The following PCDH11X variants were observed in gnomAD, a reference collection of about 807,000 sequenced individuals.
The protein encoded by PCDH11X is protocadherin-11 X-linked.
Under a neutral mutation model 53.3 loss-of-function variants are expected in PCDH11X, and 18 were observed. The observed-to-expected ratio is 0.34, with a 90% CI of 0.23 to 0.50. The LOEUF is 0.50. PCDH11X is among the 20% of genes least tolerant of loss of function. The pLI, the probability that PCDH11X is intolerant of heterozygous loss-of-function variation, is 0.98. For synonymous variants in PCDH11X, 279 were observed against 393.3 expected, an observed-to-expected ratio of 0.71 and a Z score of 3.44; for missense variants, 570 against 1,032.4, an observed-to-expected ratio of 0.55 and a Z score of 6.14.
intron 6 of PCDH11X, among the ~76,000 whole-genome samples, chrX:91,928,234 A>G (rs1053373606): frequency 3.7e-5 from 4 of 109,057 alleles, no homozygotes; most frequent in African/African-American, 1.3e-4. Flanking sequence ...GGTTTTGTAA[A>G]ATGAACAACC....
At chrX:91,782,177 C>T (rs896717836) in intron 1 of PCDH11X, among the ~76,000 whole-genome samples, 130 of 112,316 alleles carry the variant, frequency 1.2e-3, no homozygotes, top group African/African-American at 3.9e-3. Flanking sequence ...GGCTCGCAGC[C>T]CCCCCCTTCC....
intron 9 of PCDH11X, among the ~76,000 whole-genome samples, chrX:92,409,312 G>A (rs1001756112): frequency 4.5e-5 from 5 of 111,989 alleles, no homozygotes; most frequent in African/African-American, 1.6e-4. Flanking sequence ...TAGTATCTCT[G>A]TCACATAGAC....
chrX:92,283,287 C>T (rs954564977), intron 8 of PCDH11X, among the ~76,000 whole-genome samples: 2 of 110,917 alleles, frequency 1.8e-5, no homozygotes, highest in Non-Finnish European at 3.8e-5. Flanking sequence ...CCTTTCTTTC[C>T]TGTTGGTAAG....
intron 6 of PCDH11X, among the ~76,000 whole-genome samples, chrX:91,964,124 C>T (rs1289254266): frequency 9.7e-6 from 1 of 103,432 alleles, no homozygotes; most frequent in Non-Finnish European, 1.9e-5. Context: ...TGAAAGATCT[C>T]TACACTGAAA....
chrX:91,853,960 C>T (rs1021684632), intron 5 of PCDH11X, among the ~76,000 whole-genome samples: 2 of 110,738 alleles, frequency 1.8e-5, no homozygotes, highest in African/African-American at 6.6e-5. Context: ...ATGATCACAT[C>T]GTGGTAAATG....
At chrX:91,918,280 GAAGAA>G (rs1158334629) in intron 6 of PCDH11X, among the ~76,000 whole-genome samples, 1 of 109,479 alleles carries the variant, frequency 9.1e-6, no homozygotes, top group Non-Finnish European at 1.9e-5. Context: ...TCCTTTTTGG[GAAGAA>G]AAGTAGTTTA....
intron 6 of PCDH11X, chrX:91,983,241 C>G (rs1393112601): frequency 3.6e-6 from 3 of 835,282 alleles, no homozygotes; most frequent in Non-Finnish European, 3.6e-6. Flanking sequence ...GCAAGCTGAT[C>G]TTCCACAGTC....
chrX:91,904,533 G>A (rs1280867658), intron 6 of PCDH11X, among the ~76,000 whole-genome samples: 2 of 110,991 alleles, frequency 1.8e-5, no homozygotes, highest in African/African-American at 6.5e-5. Flanking sequence ...TAAATTAATT[G>A]TAGAACGTTT....
intron 9 of PCDH11X, among the ~76,000 whole-genome samples, chrX:92,392,491 A>AT (rs1298893659): frequency 9.1e-6 from 1 of 109,835 alleles, no homozygotes; most frequent in African/African-American, 3.3e-5. Flanking sequence ...ATAAATTGGT[A>AT]TAAAAAGTGG....
intron 6 of PCDH11X, among the ~76,000 whole-genome samples, chrX:92,143,014 C>T (rs183161307): frequency 1.8e-4 from 20 of 111,462 alleles, no homozygotes; most frequent in Non-Finnish European, 3.6e-4. Context: ...TGGTGGCTCA[C>T]GCCTGTAATC....
chrX:92,149,422 T>C (rs1256398014), intron 6 of PCDH11X, among the ~76,000 whole-genome samples: 1 of 95,586 alleles, frequency 1.0e-5, no homozygotes, highest in Admixed American at 1.3e-4. Context: ...GATCTCTCTC[T>C]TTCTCTCACT....
intron 6 of PCDH11X, among the ~76,000 whole-genome samples, chrX:91,910,123 A>AT (rs1941322770): frequency 9.2e-6 from 1 of 109,162 alleles, no homozygotes; most frequent in African/African-American, 3.3e-5. Context: ...TATGATAAAC[A>AT]TTTTTTGTAG....
intron 6 of PCDH11X, among the ~76,000 whole-genome samples, chrX:92,129,174 T>C (rs202083802): frequency 9.1e-6 from 1 of 110,060 alleles, no homozygotes; most frequent in East Asian, 2.9e-4. Flanking sequence ...AGGCGGATCA[T>C]GAGGTCAGGA....
intron 6 of PCDH11X, among the ~76,000 whole-genome samples, chrX:92,174,997 C>A (rs558440536): frequency 2.7e-5 from 3 of 109,908 alleles, no homozygotes; most frequent in Non-Finnish European, 3.8e-5. Context: ...TTTTTTGAGA[C>A]AGAGTTTCAC....
intron 6 of PCDH11X, among the ~76,000 whole-genome samples, chrX:92,105,139 G>A (rs1039947152): frequency 4.5e-5 from 5 of 111,454 alleles, no homozygotes; most frequent in African/African-American, 1.6e-4. Context: ...TTGGGTTCAC[G>A]GATAAAACAT....
intron 6 of PCDH11X, among the ~76,000 whole-genome samples, chrX:92,024,718 C>CAAAAAAA (rs199917287): frequency 1.1e-3 from 59 of 54,605 alleles, no homozygotes; most frequent in Non-Finnish European, 1.7e-3. Flanking sequence ...CAATCCTAAG[C>CAAAAAAA]AAAAAAAAAA....
intron 8 of PCDH11X, among the ~76,000 whole-genome samples, chrX:92,301,464 C>G (rs1198405056): frequency 9.2e-6 from 1 of 108,531 alleles, no homozygotes; most frequent in East Asian, 2.9e-4. Context: ...TTCTGGGCTC[C>G]ACATAGGCTG....
At chrX:92,498,249 G>A (rs982861874) in intron 10 of PCDH11X, among the ~76,000 whole-genome samples, 2 of 110,361 alleles carry the variant, frequency 1.8e-5, no homozygotes, top group Non-Finnish European at 1.9e-5. Flanking sequence ...AGGTAGTTTT[G>A]CTTGTCTTTA....
intron 8 of PCDH11X, among the ~76,000 whole-genome samples, chrX:92,381,844 T>C (rs1484728349): frequency 9.0e-6 from 1 of 111,405 alleles, no homozygotes; most frequent in Non-Finnish European, 1.9e-5. Flanking sequence ...TGGAAACATA[T>C]TTTCAAATAA....
Sources: gnomAD v4.1 joint callset for allele counts (sites outside exome capture counted in the v4.1 genomes callset) on GRCh38, gnomAD v4.1.1 for gene constraint, MANE v1.5 for transcripts, NCBI Gene and HGNC (gene_info 2026-07-23, HGNC 2026-07-21) for gene names.